Variants in RARS1 observed in about 807,000 individuals in gnomAD.
RARS1 encodes arginyl-tRNA synthetase 1, also known as arginine--tRNA ligase, cytoplasmic.
A neutral mutation model predicts 78.7 loss-of-function variants in RARS1; 75 were observed. The observed-to-expected ratio is 0.95, with a 90% confidence interval of 0.79 to 1.15. The LOEUF (loss-of-function observed/expected upper bound fraction) is 1.15. RARS1 is among the 50% of genes most tolerant of loss of function. RARS1 has a pLI of 0.00. For missense variants in RARS1, 787 were observed against 787.5 expected (o/e 1.00, Z 0.01); for synonymous variants, 273 against 268.2 (o/e 1.02, Z -0.18).
At chr5:168,505,714 GAAAAAA>G (rs60743864) in intron 9 of RARS1, among the ~76,000 whole-genome samples, 29 of 114,242 alleles carry the variant, frequency 2.5e-4, no homozygotes, top group East Asian at 5.2e-4. Flanking sequence ...TATCAAAAAA[GAAAAAA>G]AAAAAAAAAA....
intron 14 of RARS1, 135 bp downstream of exon 14, chr5:168,518,197 C>A: frequency 1.8e-6 from 2 of 1,096,452 alleles, no homozygotes; most frequent in Non-Finnish European, 2.4e-6. Flanking sequence ...GATTCTCCCA[C>A]TTGAGCCTCC....
At chr5:168,490,626 G>C (rs1371478971) in intron 2 of RARS1, among the ~76,000 whole-genome samples, 1 of 152,198 alleles carries the variant, frequency 6.6e-6, no homozygotes, top group Non-Finnish European at 1.5e-5. Flanking sequence ...ATAAAGTACT[G>C]TGTGTGATGG....
rs1256407588 is a variant in RARS1, at chr5:168,516,908, G to T, written c.1583G>T (p.Gly528Val). The T allele has an allele frequency of 1.2e-6, 2 of 1,614,008 alleles. No individual in the cohort carries two copies. The highest frequency in any genetic ancestry group is 1.7e-6 in the Non-Finnish European group (2 of 1,180,010). The change falls in exon 13 of 15, where the codon GGA becomes GTA. Residue 528 changes from glycine to valine, a missense_variant. Transcript: ENST00000231572. ...FSFDKMLDDR[G>V]NTAAYLLYAF... ...TTTGACAAAATGCTAGATGACAGAGGAAATACAGCTGCTTACTTGTTGTAT... is the reference window on the plus strand; with the variant it reads ...TTTGACAAAATGCTAGATGACAGAGTAAATACAGCTGCTTACTTGTTGTAT...
Position 168,506,818 on chromosome 5 carries a change from C to G in RARS1, c.1333C>G (p.Leu445Val), listed in dbSNP as rs754927211. 2 of 1,609,392 alleles carry G rather than the reference C, an allele frequency of 1.2e-6. No homozygotes were observed. The highest frequency in any genetic ancestry group is 2.2e-5 in the South Asian group (2 of 90,836). Residue 445 changes from leucine to valine, a missense_variant, in exon 11 of 15, where the codon CTA becomes GTA. Transcript: ENST00000231572. ...CTTCCATGCTGGATTTGGTGTGGTG[C>G]TAGGGGAAGACAAGTAAGTCTGGAA... ...RVFHAGFGVV[L>V]GEDKKKFKTR...
Position 168,512,657 on chromosome 5 carries a change from G to A in RARS1, c.1452+1971G>A, listed in dbSNP as rs192847936. Among the ~76,000 whole-genome samples, 22 of 152,284 alleles carry A rather than the reference G, an allele frequency of 1.4e-4. No homozygotes were observed. The East Asian group carries it at 3.9e-3, about 27-fold the overall frequency. ...CTGAAGAACTTGGAGTCAGATATTC[G>A]AGGGCAGGAAGCATCCAGCACGGGA... On this transcript the variant is annotated intron_variant, in intron 12 of 14. Transcript: ENST00000231572.
intron 10 of RARS1, 69 bp from the exon 11 acceptor site, chr5:168,506,653 A>C: frequency 8.1e-7 from 1 of 1,231,146 alleles, no homozygotes; most frequent in Non-Finnish European, 1.2e-6. Context: ...ATTCCTAAGC[A>C]AAAGAGCCTT....
At chr5:168,510,533 G>C in intron 11 of RARS1, 48 bp from the exon 12 acceptor site, 1 of 1,394,292 alleles carries the variant, frequency 7.2e-7, no homozygotes, top group Non-Finnish European at 9.9e-7. Flanking sequence ...AGATTTCTAA[G>C]TTGAAAAGTC....
At chr5:168,495,933 G>C (rs1211743167) in intron 6 of RARS1, among the ~76,000 whole-genome samples, 1 of 152,126 alleles carries the variant, frequency 6.6e-6, no homozygotes, top group African/African-American at 2.4e-5. Context: ...AGGATCACTA[G>C]AGGCCAGGAG....
At position 168,497,308 on chromosome 5, in the gene RARS1, C is replaced by A. The variant is rs749161105; in HGVS notation, c.782C>A (p.Thr261Lys). The A allele has an allele frequency of 5.0e-6, 8 of 1,591,218 alleles. No homozygotes were observed. In the South Asian group the frequency reaches 8.2e-5, roughly 16 times the overall value. ...CAAGACAAATTTCCAGATTATCTAA[C>A]AGTTTCACCTCCTATTGGGGATCTT... ...HLQDKFPDYL[T>K]VSPPIGDLQV... is the part of the protein sequence containing the mutation. The change falls in exon 7 of 15, where the codon ACA becomes AAA. Residue 261 changes from threonine to lysine, a missense_variant. Thr to Lys is a moderately conservative substitution (Grantham distance 78). Coordinates refer to ENST00000231572, the MANE Select transcript of RARS1 (RefSeq NM_002887.4).
chr5:168,519,274 C>T lies in RARS1; in HGVS notation c.*84C>T. ...TTTTTTACAATCATGTGGACACAAGCATAAGTAAAGAAAATTTGTCAACCA... is the reference window on the plus strand; with the variant it reads ...TTTTTTACAATCATGTGGACACAAGTATAAGTAAAGAAAATTTGTCAACCA... On this transcript the variant is annotated 3_prime_UTR_variant, in exon 15 of 15. Transcript: ENST00000231572. 9.8e-7 allele frequency: 1 copy of T among 1,019,694 alleles called. No individual in the cohort carries two copies. The highest frequency in any genetic ancestry group is 1.4e-6 in the Non-Finnish European group (1 of 691,740). The allele number at this position is 1,019,694 out of a possible 1,614,324, so 63.2% of individuals were successfully genotyped here. A position where few individuals can be genotyped will look rare whatever the true frequency, so the allele number is the denominator to read the frequency against.
Position 168,502,402 on chromosome 5 carries a change from A to T in RARS1, c.1057+297A>T, listed in dbSNP as rs560192415. 7.2e-5 allele frequency among the ~76,000 whole-genome samples: 10 copies of T among 138,002 alleles called. No homozygotes were observed. In the South Asian group the frequency reaches 2.2e-3, roughly 30 times the overall value. The allele number at this position is 138,002 out of a possible 152,430, so 90.5% of individuals were successfully genotyped here. A position where few individuals can be genotyped will look rare whatever the true frequency, so the allele number is the denominator to read the frequency against. On this transcript the variant is annotated intron_variant, in intron 9 of 14. Coordinates refer to ENST00000231572, the MANE Select transcript of RARS1 (RefSeq NM_002887.4). ...TATATATATTTTTTTTTTTTAAAAC[A>T]ATCTTGCTATGTTGCCTAGGCTGGT...
rs1181072318 is a variant in RARS1 at position 168,500,732 on chromosome 5, G to C, written c.952+12G>C. ...TGTCTCCCGCCAAGGTGAGTTTCTG[G>C]GCTTTGTTCCTTCGTCCAGCAAATA... On this transcript the variant is annotated intron_variant, in intron 8 of 14. Transcript: ENST00000231572. 8.1e-6 allele frequency: 13 copies of C among 1,606,382 alleles called. No individual in the cohort carries two copies. Among genetic ancestry groups the C allele is most frequent in the Non-Finnish European group, 1.0e-5 (12 of 1,177,674 alleles).
chr5:168,499,660 G>A (rs887947673), intron 7 of RARS1, among the ~76,000 whole-genome samples: 1 of 151,846 alleles, frequency 6.6e-6, no homozygotes, highest in African/African-American at 2.4e-5. Flanking sequence ...ATCTATTAAT[G>A]CAAGAAATTG....
intron 9 of RARS1, among the ~76,000 whole-genome samples, chr5:168,504,866 G>C (rs1429433932): frequency 6.6e-6 from 1 of 151,924 alleles, no homozygotes; most frequent in South Asian, 2.1e-4. Context: ...GCATGCCTGT[G>C]GTGACAGCTT....
At chr5:168,502,157 A>G in intron 9 of RARS1, 52 bp downstream of exon 9, 1 of 1,566,442 alleles carries the variant, frequency 6.4e-7, no homozygotes, top group Non-Finnish European at 8.6e-7. Flanking sequence ...AACATAGGCA[A>G]AAGTGGATAG....
At chr5:168,490,821 G>T (rs1758066455) in intron 2 of RARS1, among the ~76,000 whole-genome samples, 1 of 152,070 alleles carries the variant, frequency 6.6e-6, no homozygotes, top group South Asian at 2.1e-4. Context: ...TATGTACATG[G>T]TGGTACTCCT....
In RARS1 at chr5:168,517,989, T is replaced by C. The variant is rs975740289; in HGVS notation, c.1800T>C (p.Tyr600=). Residue 600 remains tyrosine, a synonymous_variant, in exon 14 of 15, where the codon TAT becomes TAC. Transcript: ENST00000231572. The part of the protein sequence containing the change: ...DDLFLHTLCD[Y]IYELATAFTE... ...TATTTCTCCACACTCTCTGTGATTA[T>C]ATATATGAGCTGGCAACTGCTTTCA... The C allele has an allele frequency of 1.9e-6, 3 of 1,610,096 alleles. No homozygotes were observed. The highest frequency in any genetic ancestry group is 1.1e-5 in the South Asian group (1 of 91,006).
intron 7 of RARS1, 135 bp downstream of exon 7, chr5:168,497,483 A>T: frequency 1.6e-5 from 10 of 634,962 alleles, no homozygotes; most frequent in Non-Finnish European, 2.4e-5. Context: ...TTAGTAATAC[A>T]TGTCTCTGTA....
Position 168,494,650 on chromosome 5 carries a change from GGT to G in RARS1, c.579+1_579+2del, listed in dbSNP as rs1758146794. 2 of 1,553,224 alleles carry G rather than the reference GGT, an allele frequency of 1.3e-6. No homozygotes were observed. Among genetic ancestry groups the G allele is most frequent in the Non-Finnish European group, 1.8e-6 (2 of 1,125,288 alleles). On this transcript the variant is annotated splice_donor_variant, in intron 5 of 14. Coordinates refer to ENST00000231572, the MANE Select transcript of RARS1 (RefSeq NM_002887.4). LOFTEE classifies it high-confidence loss of function. Reference sequence around the variant, plus strand: ...TACCTGCTCTGGGAGAGAATAAAAAGGTATATGTACACTCTTCTATTAATATA... The same window carrying G: ...TACCTGCTCTGGGAGAGAATAAAAAGATATGTACACTCTTCTATTAATATA...
Sources: gnomAD v4.1 joint callset for allele counts (sites outside exome capture counted in the v4.1 genomes callset) on GRCh38, gnomAD v4.1.1 for gene constraint, MANE v1.5 for transcripts, NCBI Gene and HGNC (gene_info 2026-07-23, HGNC 2026-07-21) for gene names.